Variants in DPYD observed in about 807,000 individuals in gnomAD.
The protein encoded by DPYD is dihydropyrimidine dehydrogenase [NADP(+)].
In DPYD, 109 loss-of-function variants were observed where a neutral mutation model predicts 116.2. The ratio of observed to expected loss-of-function variants is 0.94; its 90% confidence interval spans 0.80 to 1.10. The LOEUF (loss-of-function observed/expected upper bound fraction) is 1.10. Among genes scored for constraint, DPYD ranks in the 50% least tolerant of loss-of-function variants. The pLI is 0.00. For missense variants in DPYD, 1,302 were observed against 1,254.5 expected (o/e 1.04, Z -0.57); for synonymous variants, 440 against 432.0 (o/e 1.02, Z -0.23).
chr1:97,251,391 T>TAAAAAAAAAAAAAAAAAA (rs10581072), intron 18 of DPYD, among the ~76,000 whole-genome samples: 1 of 95,358 alleles, frequency 1.0e-5, no homozygotes, highest in African/African-American at 4.1e-5. Flanking sequence ...AAACTCTGTC[T>TAAAAAAAAAAAAAAAAAA]AAAAAAAAAA....
intron 8 of DPYD, among the ~76,000 whole-genome samples, chr1:97,637,575 C>T (rs1657643658): frequency 6.6e-6 from 1 of 151,726 alleles, no homozygotes; most frequent in East Asian, 1.9e-4. Flanking sequence ...AAGAGCTTTG[C>T]CTTAGACCAG....
chr1:97,296,358 A>G (rs1666530371), intron 18 of DPYD, among the ~76,000 whole-genome samples: 1 of 152,176 alleles, frequency 6.6e-6, no homozygotes, highest in African/African-American at 2.4e-5. Flanking sequence ...ATATTTAGGT[A>G]AAATGACTAT....
intron 18 of DPYD, among the ~76,000 whole-genome samples, chr1:97,275,234 G>C (rs1373190972): frequency 6.6e-6 from 1 of 152,124 alleles, no homozygotes; most frequent in East Asian, 1.9e-4. Flanking sequence ...CTTTTATCCT[G>C]GAATCATATT....
At chr1:97,865,897 T>C (rs1671352765) in intron 2 of DPYD, among the ~76,000 whole-genome samples, 1 of 152,000 alleles carries the variant, frequency 6.6e-6, no homozygotes, top group Non-Finnish European at 1.5e-5. Flanking sequence ...ACTTCTATTT[T>C]TTCATTATTC....
At chr1:97,539,728 G>A (rs538839860) in intron 12 of DPYD, among the ~76,000 whole-genome samples, 5 of 152,162 alleles carry the variant, frequency 3.3e-5, no homozygotes, top group Non-Finnish European at 5.9e-5. Flanking sequence ...TTGACAAAAT[G>A]TTCCATGTTT....
chr1:97,556,948 T>C lies in DPYD; in HGVS notation c.1340-7204A>G, dbSNP rs373401840. On this transcript the variant is annotated intron_variant, in intron 11 of 22. Coordinates refer to ENST00000370192, the MANE Select transcript of DPYD (RefSeq NM_000110.4). Reference sequence around the variant, plus strand: ...ATTGCCACACTGACTTCCACAATGGTTGAACTAGTTTACAGTCCCACCAAC... The same window carrying C: ...ATTGCCACACTGACTTCCACAATGGCTGAACTAGTTTACAGTCCCACCAAC... Among the ~76,000 whole-genome samples, 448 of 150,518 alleles carry C rather than the reference T, an allele frequency of 3.0e-3. 2 individuals carry two copies. The highest frequency in any genetic ancestry group is 4.9e-3 in the Non-Finnish European group (327 of 66,902).
intron 8 of DPYD, among the ~76,000 whole-genome samples, chr1:97,613,528 C>A (rs1211803801): frequency 6.6e-6 from 1 of 151,984 alleles, no homozygotes; most frequent in Admixed American, 6.6e-5. Flanking sequence ...AAATCTGGGG[C>A]ATACTGAGTG....
At chr1:97,312,552 C>A (rs1434958926) in intron 16 of DPYD, among the ~76,000 whole-genome samples, 1 of 151,790 alleles carries the variant, frequency 6.6e-6, no homozygotes, top group Non-Finnish European at 1.5e-5. Context: ...ATAATCCATA[C>A]AATGAAATAC....
intron 20 of DPYD, among the ~76,000 whole-genome samples, chr1:97,138,498 G>A (rs912017333): frequency 3.3e-5 from 5 of 152,146 alleles, no homozygotes; most frequent in African/African-American, 1.2e-4. Flanking sequence ...AGTATAAATA[G>A]AAGTAACTGA....
intron 14 of DPYD, among the ~76,000 whole-genome samples, chr1:97,410,871 G>C: frequency 6.6e-6 from 1 of 151,958 alleles, no homozygotes; most frequent in East Asian, 1.9e-4. Flanking sequence ...AAAAATTTTT[G>C]TCCTACTTAC....
chr1:97,327,503 A>C (rs1341161859), intron 16 of DPYD, among the ~76,000 whole-genome samples: 1 of 151,988 alleles, frequency 6.6e-6, no homozygotes, highest in Non-Finnish European at 1.5e-5. Flanking sequence ...AAAAAACTAA[A>C]ATTACTCATA....
At chr1:97,224,979 ATCTATCTAACTATCTGTCTGTCTG>A (rs1322059809) in intron 19 of DPYD, among the ~76,000 whole-genome samples, 40 of 150,938 alleles carry the variant, frequency 2.7e-4, no homozygotes, top group African/African-American at 9.5e-4. Context: ...GGGAGTACAG[ATCTATCTAACTATCTGTCTGTCTG>A]TCTATCTATC....
chr1:97,854,134 T>C (rs1670702280), intron 2 of DPYD, among the ~76,000 whole-genome samples: 2 of 152,094 alleles, frequency 1.3e-5, no homozygotes, highest in Admixed American at 6.5e-5. Flanking sequence ...TATTATTTAA[T>C]TGTTTGCCTT....
At chr1:97,087,414 C>T (rs889807772) in intron 21 of DPYD, among the ~76,000 whole-genome samples, 6 of 152,132 alleles carry the variant, frequency 3.9e-5, no homozygotes, top group African/African-American at 1.4e-4. Context: ...CTTGAATATG[C>T]TGAGAGCAGA....
intron 11 of DPYD, 39 bp from the exon 12 acceptor site, chr1:97,549,783 C>T (rs1651181413): frequency 2.6e-6 from 4 of 1,531,730 alleles, no homozygotes; most frequent in Admixed American, 1.7e-5. Context: ...AATCACTAGT[C>T]AACAGACAAT....
At chr1:97,764,615 G>T (rs1665748229) in intron 3 of DPYD, among the ~76,000 whole-genome samples, 1 of 151,896 alleles carries the variant, frequency 6.6e-6, no homozygotes, top group South Asian at 2.1e-4. Flanking sequence ...AAGTAAACTA[G>T]TTCTATTTAT....
At chr1:97,794,720 T>A (rs529642206) in intron 3 of DPYD, among the ~76,000 whole-genome samples, 1 of 152,238 alleles carries the variant, frequency 6.6e-6, no homozygotes, top group South Asian at 2.1e-4. Flanking sequence ...CATATTATAC[T>A]TTTCGGAAAA....
chr1:97,842,979 C>G (rs61787781), intron 2 of DPYD, among the ~76,000 whole-genome samples: 1 of 152,012 alleles, frequency 6.6e-6, no homozygotes, highest in Non-Finnish European at 1.5e-5. Flanking sequence ...TTGTTCTGTA[C>G]TCACTGGAGA....
At chr1:97,742,556 G>GT (rs1247798372) in intron 3 of DPYD, among the ~76,000 whole-genome samples, 2 of 151,856 alleles carry the variant, frequency 1.3e-5, no homozygotes, top group Admixed American at 1.3e-4. Context: ...CATACTTAAC[G>GT]TTTTTTCCCC....
Sources: allele counts gnomAD v4.1 joint callset (sites outside exome capture counted in the v4.1 genomes callset), GRCh38; gene constraint gnomAD v4.1.1; transcripts MANE v1.5; gene names NCBI Gene and HGNC (gene_info 2026-07-23, HGNC 2026-07-21).